The following PPP2R5E variants were observed in gnomAD, a reference collection of about 807,000 sequenced individuals.
The protein encoded by PPP2R5E is serine/threonine-protein phosphatase 2A 56 kDa regulatory subunit epsilon isoform.
A neutral mutation model predicts 65.3 loss-of-function variants in PPP2R5E; 4 were observed. The ratio of observed to expected loss-of-function variants is 0.06; its 90% CI spans 0.03 to 0.14. The LOEUF (loss-of-function observed/expected upper bound fraction) is 0.14. Ranked by LOEUF, PPP2R5E falls within the 10% of genes least tolerant of loss-of-function variation. The probability of loss-of-function intolerance (pLI) is 1.00; values close to 1 mark genes in which losing one functional copy is unlikely to be tolerated. For synonymous variants in PPP2R5E, 183 were observed against 187.4 expected, an observed-to-expected ratio of 0.98 and a Z score of 0.19; for missense variants, 274 against 556.1, an observed-to-expected ratio of 0.49 and a Z score of 5.10.
chr14:63,527,129 G>A lies in PPP2R5E; in HGVS notation c.157+12400C>T, dbSNP rs28613042. ...GGTTGCAGTGAGTCAAGATCAAGCCGTTGCTCTCCAGCCTGGACAACAAGA... is the reference window on the plus strand; with the variant it reads ...GGTTGCAGTGAGTCAAGATCAAGCCATTGCTCTCCAGCCTGGACAACAAGA... On this transcript the variant is annotated intron_variant, in intron 2 of 13. Coordinates refer to ENST00000337537, the MANE Select transcript of PPP2R5E (RefSeq NM_006246.5). 3.8e-3 allele frequency among the ~76,000 whole-genome samples: 578 copies of A among 152,232 alleles called. 1 individual carries two copies. Among genetic ancestry groups the A allele is most frequent in the African/African-American group, 0.012 (514 of 41,558 alleles).
intron 2 of PPP2R5E, among the ~76,000 whole-genome samples, chr14:63,519,503 G>C (rs1452409213): frequency 7.9e-6 from 1 of 127,170 alleles, no homozygotes; most frequent in African/African-American, 3.7e-5. Context: ...ACCATGCCCA[G>C]CTAATTTTTT....
intron 2 of PPP2R5E, among the ~76,000 whole-genome samples, chr14:63,530,230 T>G (rs965629384): frequency 3.7e-5 from 4 of 108,236 alleles, no homozygotes; most frequent in South Asian, 2.5e-4. Context: ...TTTTCCGTTT[T>G]TTTTTTTTTT....
At chr14:63,531,746 G>C (rs1303134228) in intron 2 of PPP2R5E, among the ~76,000 whole-genome samples, 1 of 151,924 alleles carries the variant, frequency 6.6e-6, no homozygotes, top group Non-Finnish European at 1.5e-5. Context: ...TTGAGGTCAA[G>C]AGTTCAAGAC....
chr14:63,477,234 T>C (rs573796188), intron 2 of PPP2R5E, among the ~76,000 whole-genome samples: 2 of 152,250 alleles, frequency 1.3e-5, no homozygotes, highest in Non-Finnish European at 2.9e-5. Context: ...CCAAACTCAA[T>C]AGACCATCTA....
intron 2 of PPP2R5E, among the ~76,000 whole-genome samples, chr14:63,532,368 G>A (rs1270106876): frequency 6.6e-6 from 1 of 152,112 alleles, no homozygotes; most frequent in Non-Finnish European, 1.5e-5. Context: ...AAATAACATG[G>A]CAAGATACTA....
intron 2 of PPP2R5E, among the ~76,000 whole-genome samples, chr14:63,505,805 T>C (rs1231531135): frequency 6.6e-6 from 1 of 152,124 alleles, no homozygotes; most frequent in Non-Finnish European, 1.5e-5. Context: ...GTTAGGAACA[T>C]AGTAGACACA....
At chr14:63,412,511 G>T (rs1215555198) in intron 5 of PPP2R5E, among the ~76,000 whole-genome samples, 1 of 152,156 alleles carries the variant, frequency 6.6e-6, no homozygotes, top group African/African-American at 2.4e-5. Flanking sequence ...CATATTAGAG[G>T]ACAAATGGAC....
chr14:63,480,031 T>C (rs1890613205), intron 2 of PPP2R5E, among the ~76,000 whole-genome samples: 1 of 152,320 alleles, frequency 6.6e-6, no homozygotes, highest in Non-Finnish European at 1.5e-5. Flanking sequence ...TACTCAAAAG[T>C]AGAAAGGACA....
intron 5 of PPP2R5E, among the ~76,000 whole-genome samples, chr14:63,414,816 T>G (rs1438862709): frequency 1.3e-5 from 2 of 152,174 alleles, no homozygotes; most frequent in Non-Finnish European, 2.9e-5. Context: ...CAAATGTAAG[T>G]CTTTAAGCTA....
In PPP2R5E at chr14:63,408,582, T is replaced by C. The variant is rs766200757; in HGVS notation, c.549+6558A>G. 2.7e-4 allele frequency among the ~76,000 whole-genome samples: 41 copies of C among 152,284 alleles called. No homozygotes were observed. The Middle Eastern group carries it at 0.01, about 38-fold the overall frequency. ...TAAGTACCATATCATTAGTCATCTTTTTCAAAAATTTATTTCATAACTCTA... is the reference window on the plus strand; with the variant it reads ...TAAGTACCATATCATTAGTCATCTTCTTCAAAAATTTATTTCATAACTCTA... On this transcript the variant is annotated intron_variant, in intron 5 of 13. Coordinates refer to ENST00000337537, the MANE Select transcript of PPP2R5E (RefSeq NM_006246.5).
intron 3 of PPP2R5E, among the ~76,000 whole-genome samples, chr14:63,439,520 A>G (rs1190491672): frequency 6.6e-6 from 1 of 152,078 alleles, no homozygotes; most frequent in Non-Finnish European, 1.5e-5. Context: ...GATTACAGGC[A>G]TGCGCCACCA....
intron 5 of PPP2R5E, among the ~76,000 whole-genome samples, chr14:63,413,655 T>C (rs892749058): frequency 4.6e-5 from 7 of 152,232 alleles, no homozygotes; most frequent in African/African-American, 1.7e-4. Flanking sequence ...CAGCACTATA[T>C]ACATGCAAGG....
chr14:63,506,852 A>G lies in PPP2R5E; in HGVS notation c.157+32677T>C, dbSNP rs146559754. Among the ~76,000 whole-genome samples, 206 of 152,362 alleles carry G rather than the reference A, an allele frequency of 1.4e-3. 1 individual carries two copies. Among genetic ancestry groups the G allele is most frequent in the African/African-American group, 4.7e-3 (194 of 41,588 alleles). On this transcript the variant is annotated intron_variant, in intron 2 of 13. Coordinates refer to ENST00000337537, the MANE Select transcript of PPP2R5E (RefSeq NM_006246.5). The stretch of plus-strand genomic sequence containing the variant: ...CCACTAAAATTGTACATGAATGTTC[A>G]TAACAGCATTATCCATAATAGCCAA...
At chr14:63,449,900 A>C (rs575711459) in intron 3 of PPP2R5E, among the ~76,000 whole-genome samples, 73 of 115,502 alleles carry the variant, frequency 6.3e-4, no homozygotes, top group African/African-American at 2.5e-3. Context: ...TTTTGAGATG[A>C]AGTCTTGTTC....
chr14:63,502,650 G>C (rs547220686), intron 2 of PPP2R5E, among the ~76,000 whole-genome samples: 13 of 152,114 alleles, frequency 8.5e-5, no homozygotes, highest in African/African-American at 3.1e-4. Context: ...CTGGGTGACA[G>C]AGCAAGACTC....
intron 3 of PPP2R5E, among the ~76,000 whole-genome samples, chr14:63,423,675 T>G (rs1217360676): frequency 6.6e-6 from 1 of 152,230 alleles, no homozygotes; most frequent in Non-Finnish European, 1.5e-5. Flanking sequence ...TATACTGCTC[T>G]GAAAGAGGAA....
chr14:63,402,924 G>A (rs2139822509), intron 5 of PPP2R5E, among the ~76,000 whole-genome samples: 1 of 152,208 alleles, frequency 6.6e-6, no homozygotes, highest in Middle Eastern at 3.4e-3. Flanking sequence ...AATGAACAAA[G>A]ATCCACACCA....
intron 2 of PPP2R5E, among the ~76,000 whole-genome samples, chr14:63,491,690 A>G (rs563067137): frequency 6.6e-6 from 1 of 152,208 alleles, no homozygotes; most frequent in Admixed American, 6.5e-5. Flanking sequence ...TCTGCTAAAA[A>G]TACAAAATTA....
intron 2 of PPP2R5E, among the ~76,000 whole-genome samples, chr14:63,489,275 T>G (rs1269400902): frequency 6.6e-6 from 1 of 152,094 alleles, no homozygotes; most frequent in East Asian, 1.9e-4. Flanking sequence ...GCTAATTCAC[T>G]TTTCAAGTAC....
Sources: gnomAD v4.1 joint callset for allele counts (sites outside exome capture counted in the v4.1 genomes callset) on GRCh38, gnomAD v4.1.1 for gene constraint, MANE v1.5 for transcripts, NCBI Gene and HGNC (gene_info 2026-07-23, HGNC 2026-07-21) for gene names.